The following RFX3 variants were observed in gnomAD, a reference collection of about 807,000 sequenced individuals.
RFX3 encodes transcription factor RFX3.
A neutral mutation model predicts 98.6 loss-of-function variants in RFX3; 14 were observed. The ratio of observed to expected loss-of-function variants is 0.14; its 90% CI spans 0.09 to 0.22. The LOEUF (loss-of-function observed/expected upper bound fraction) is 0.22. Among genes scored for constraint, RFX3 ranks in the 10% least tolerant of loss-of-function variants. RFX3 has a pLI of 1.00. For missense variants in RFX3, 639 were observed against 926.9 expected, an observed-to-expected ratio of 0.69 and a Z score of 4.03; for synonymous variants, 383 against 328.4, an observed-to-expected ratio of 1.17 and a Z score of -1.80.
At chr9:3,341,375 G>C (rs35397020) in intron 3 of RFX3, among the ~76,000 whole-genome samples, 1 of 151,172 alleles carries the variant, frequency 6.6e-6, no homozygotes, top group African/African-American at 2.4e-5. Flanking sequence ...TGCACATTGT[G>C]CACATGTACC....
At chr9:3,457,157 A>G (rs1847261694) in intron 1 of RFX3, among the ~76,000 whole-genome samples, 1 of 150,220 alleles carries the variant, frequency 6.7e-6, no homozygotes, top group Admixed American at 6.6e-5. Flanking sequence ...AAAAAAAAAA[A>G]AAAAAAAAAA....
At chr9:3,424,832 G>A (rs1397204671) in intron 1 of RFX3, among the ~76,000 whole-genome samples, 1 of 152,086 alleles carries the variant, frequency 6.6e-6, no homozygotes, top group Non-Finnish European at 1.5e-5. Context: ...TTCACATCCT[G>A]AGATTTTCTC....
chr9:3,478,119 A>G (rs7037463), intron 1 of RFX3, among the ~76,000 whole-genome samples: 34,219 of 152,054 alleles, frequency 0.23, 7,148 homozygotes, highest in East Asian at 0.57. Flanking sequence ...TAAAGACTAC[A>G]AAGTCTAAAA....
At chr9:3,333,033 G>A (rs181406142) in intron 3 of RFX3, among the ~76,000 whole-genome samples, 10 of 152,234 alleles carry the variant, frequency 6.6e-5, no homozygotes, top group Non-Finnish European at 1.3e-4. Context: ...CTCTCAATGT[G>A]TTGTTAATTT....
chr9:3,449,961 A>G (rs1846426247), intron 1 of RFX3, among the ~76,000 whole-genome samples: 1 of 152,076 alleles, frequency 6.6e-6, no homozygotes, highest in South Asian at 2.1e-4. Flanking sequence ...GCCCAGGATA[A>G]AAACATTTGG....
chr9:3,297,414 C>T (rs1828126903), intron 5 of RFX3, among the ~76,000 whole-genome samples: 2 of 151,984 alleles, frequency 1.3e-5, no homozygotes, highest in African/African-American at 4.8e-5. Flanking sequence ...ATAATTGCAT[C>T]TTTCAACCTT....
At chr9:3,360,292 G>C (rs552049191) in intron 2 of RFX3, among the ~76,000 whole-genome samples, 19 of 151,762 alleles carry the variant, frequency 1.3e-4, no homozygotes, top group Admixed American at 5.3e-4. Flanking sequence ...AGTGAAATGG[G>C]CAAAATGTGA....
intron 1 of RFX3, among the ~76,000 whole-genome samples, chr9:3,458,687 A>G (rs1215998499): frequency 6.6e-6 from 1 of 152,228 alleles, no homozygotes; most frequent in Non-Finnish European, 1.5e-5. Flanking sequence ...TGTAAAGAAT[A>G]CAGTCCTGTA....
At chr9:3,454,763 T>C (rs1350455674) in intron 1 of RFX3, among the ~76,000 whole-genome samples, 1 of 152,216 alleles carries the variant, frequency 6.6e-6, no homozygotes, top group Non-Finnish European at 1.5e-5. Context: ...TTTCATTTTA[T>C]ATAATGCTTT....
At chr9:3,324,254 A>C (rs1831637785) in intron 4 of RFX3, 1 of 208,624 alleles carries the variant, frequency 4.8e-6, no homozygotes, top group Non-Finnish European at 1.1e-5. Flanking sequence ...GTTTTGTCAC[A>C]TAAAATAAGA....
rs536758263 is a variant in RFX3 at position 3,250,050 on chromosome 9, C to T, written c.1815-1865G>A. Among the ~76,000 whole-genome samples, 6 of 151,670 alleles carry T rather than the reference C, an allele frequency of 4.0e-5. No homozygotes were observed. The East Asian group carries it at 9.7e-4, about 25-fold the overall frequency. The stretch of plus-strand genomic sequence containing the variant: ...TTTCCTAAAATTCAGTGACATATCA[C>T]CAATTTGTAAAAATAATTTATAAGA... On this transcript the variant is annotated intron_variant, in intron 14 of 16. Coordinates refer to ENST00000617270, the MANE Select transcript of RFX3 (RefSeq NM_001282116.2).
intron 1 of RFX3, among the ~76,000 whole-genome samples, chr9:3,505,796 C>A (rs1389784797): frequency 6.7e-6 from 1 of 149,350 alleles, no homozygotes; most frequent in African/African-American, 2.4e-5. Flanking sequence ...CCCCCTGCTT[C>A]TCACATTTGT....
intron 4 of RFX3, among the ~76,000 whole-genome samples, chr9:3,318,289 A>G (rs1042060106): frequency 5.9e-5 from 9 of 152,126 alleles, no homozygotes; most frequent in African/African-American, 1.4e-4. Flanking sequence ...TCCAAACACC[A>G]CATGTTCTCA....
chr9:3,277,982 C>T (rs895415969), intron 7 of RFX3, among the ~76,000 whole-genome samples: 1 of 151,808 alleles, frequency 6.6e-6, no homozygotes, highest in Non-Finnish European at 1.5e-5. Context: ...ATCTCCATGA[C>T]AATTATCAAC....
chr9:3,421,278 C>T (rs1269332130), intron 1 of RFX3, among the ~76,000 whole-genome samples: 1 of 152,106 alleles, frequency 6.6e-6, no homozygotes, highest in African/African-American at 2.4e-5. Flanking sequence ...CGGTCAAAAC[C>T]AAGTGGAGAA....
At chr9:3,314,085 T>G (rs182001760) in intron 4 of RFX3, among the ~76,000 whole-genome samples, 19 of 152,000 alleles carry the variant, frequency 1.3e-4, no homozygotes, top group Non-Finnish European at 1.8e-4. Context: ...TTCACCAAAG[T>G]TGAAACAAAG....
intron 1 of RFX3, among the ~76,000 whole-genome samples, chr9:3,415,776 C>A (rs1041219666): frequency 1.3e-5 from 2 of 152,110 alleles, no homozygotes; most frequent in Admixed American, 6.5e-5. Flanking sequence ...ATATGAACTG[C>A]CTCTTTGCAA....
intron 1 of RFX3, among the ~76,000 whole-genome samples, chr9:3,504,889 TATAACA>T (rs1816677810): frequency 1.6e-5 from 1 of 62,378 alleles, no homozygotes; most frequent in Non-Finnish European, 2.4e-5. Flanking sequence ...TTATATATAA[TATAACA>T]TATATTATAT....
At chr9:3,490,331 G>C (rs1016877003) in intron 1 of RFX3, 4 of 983,694 alleles carry the variant, frequency 4.1e-6, no homozygotes, top group African/African-American at 3.5e-5. Flanking sequence ...TAAAATGCCA[G>C]AATGACCAAG....
Sources: allele counts gnomAD v4.1 joint callset (sites outside exome capture counted in the v4.1 genomes callset), GRCh38; gene constraint gnomAD v4.1.1; transcripts MANE v1.5; gene names NCBI Gene and HGNC (gene_info 2026-07-23, HGNC 2026-07-21).